Variants in TRIO observed in about 807,000 individuals in gnomAD.
TRIO encodes the protein trio Rho guanine nucleotide exchange factor.
TRIO carries 58 observed loss-of-function variants against 351.9 expected under a neutral mutation model. That is an observed-to-expected ratio of 0.16 (90% confidence interval 0.13 to 0.21). The LOEUF is 0.21. Ranked by LOEUF, TRIO falls within the 10% of genes least tolerant of loss-of-function variation. TRIO has a pLI of 1.00. For missense variants in TRIO, 3,201 were observed against 4,027.8 expected (o/e 0.79, Z 5.56); for synonymous variants, 1,758 against 1,595.7 (o/e 1.10, Z -2.42).
At chr5:14,201,956 C>G (rs531180949) in intron 1 of TRIO, among the ~76,000 whole-genome samples, 2 of 110,638 alleles carry the variant, frequency 1.8e-5, no homozygotes, top group East Asian at 2.6e-4. Flanking sequence ...CATCACACAC[C>G]GGGGCCTGTT....
intron 28 of TRIO, among the ~76,000 whole-genome samples, chr5:14,396,029 G>GAGCAA (rs1289637799): frequency 8.0e-6 from 1 of 124,670 alleles, no homozygotes; most frequent in Non-Finnish European, 1.6e-5. Flanking sequence ...CTGGGCGACA[G>GAGCAA]AGCAAGACTC....
intron 37 of TRIO, chr5:14,466,109 A>C (rs1009173296): frequency 5.9e-6 from 1 of 168,956 alleles, no homozygotes; most frequent in Non-Finnish European, 1.3e-5. Context: ...TCACATTGCT[A>C]GCATAGACTA....
chr5:14,258,846 G>A (rs1170972403), intron 1 of TRIO, among the ~76,000 whole-genome samples: 1 of 152,198 alleles, frequency 6.6e-6, no homozygotes, highest in Non-Finnish European at 1.5e-5. Context: ...GGAACTTTTT[G>A]TGATCACTGG....
chr5:14,324,091 C>T (rs950444760), intron 9 of TRIO, among the ~76,000 whole-genome samples: 7 of 151,978 alleles, frequency 4.6e-5, no homozygotes, highest in African/African-American at 1.2e-4. Context: ...GTTTCCCCAG[C>T]GATTTAAATA....
intron 34 of TRIO, among the ~76,000 whole-genome samples, chr5:14,453,632 G>C (rs959673351): frequency 6.6e-6 from 1 of 152,178 alleles, no homozygotes; most frequent in Non-Finnish European, 1.5e-5. Flanking sequence ...TCACATGCCA[G>C]AATGTTTGCT....
chr5:14,270,057 G>C (rs902156650), intron 1 of TRIO, among the ~76,000 whole-genome samples: 2 of 152,198 alleles, frequency 1.3e-5, no homozygotes, highest in Non-Finnish European at 2.9e-5. Flanking sequence ...CTGGTGAGCT[G>C]GGCTAGATAT....
intron 11 of TRIO, among the ~76,000 whole-genome samples, chr5:14,348,918 C>T (rs1450550058): frequency 1.0e-4 from 15 of 149,458 alleles, no homozygotes; most frequent in Admixed American, 6.7e-4. Flanking sequence ...TGTGTACGCA[C>T]GTGAGCATGT....
At chr5:14,396,406 A>G (rs932771271) in intron 28 of TRIO, among the ~76,000 whole-genome samples, 10 of 129,418 alleles carry the variant, frequency 7.7e-5, no homozygotes, top group Non-Finnish European at 1.6e-5. Context: ...CCAGTAGCTG[A>G]TGGTGTGTTA....
chr5:14,223,701 G>A (rs1792796674), intron 1 of TRIO, among the ~76,000 whole-genome samples: 1 of 152,218 alleles, frequency 6.6e-6, no homozygotes, highest in Non-Finnish European at 1.5e-5. Flanking sequence ...GTGCAGCTGT[G>A]CATTCTGTGG....
At chr5:14,237,276 T>G (rs1428037784) in intron 1 of TRIO, among the ~76,000 whole-genome samples, 1 of 152,266 alleles carries the variant, frequency 6.6e-6, no homozygotes, top group Non-Finnish European at 1.5e-5. Context: ...TTAAGTGTCC[T>G]GTCGGCACTC....
At chr5:14,485,958 AGCCT>A (rs1251345195) in intron 47 of TRIO, among the ~76,000 whole-genome samples, 1 of 152,048 alleles carries the variant, frequency 6.6e-6, no homozygotes, top group African/African-American at 2.4e-5. Context: ...ATTGCACTAC[AGCCT>A]GGGCAACAAG....
chr5:14,216,004 C>G (rs1295196160), intron 1 of TRIO, among the ~76,000 whole-genome samples: 1 of 152,128 alleles, frequency 6.6e-6, no homozygotes, highest in African/African-American at 2.4e-5. Context: ...CTTCTCTGTG[C>G]GTTAGTTTCC....
intron 48 of TRIO, among the ~76,000 whole-genome samples, chr5:14,491,877 G>A (rs1485631992): frequency 6.6e-6 from 1 of 152,226 alleles, no homozygotes; most frequent in East Asian, 1.9e-4. Context: ...CATGGCAGCA[G>A]AGCCTTGGGG....
intron 34 of TRIO, among the ~76,000 whole-genome samples, chr5:14,441,785 A>G (rs1752071588): frequency 6.6e-6 from 1 of 152,168 alleles, no homozygotes; most frequent in Admixed American, 6.5e-5. Flanking sequence ...GTCCTAACAT[A>G]TTTAGACTCT....
chr5:14,403,758 TG>T (rs1485902606), intron 31 of TRIO, among the ~76,000 whole-genome samples: 1 of 126,510 alleles, frequency 7.9e-6, no homozygotes, highest in Non-Finnish European at 1.6e-5. Flanking sequence ...GTGCAGGTGG[TG>T]GTGGTGAGGG....
chr5:14,509,785 G>T lies in TRIO; in HGVS notation c.*1363G>T. 1 of 195,668 alleles carries T rather than the reference G, an allele frequency of 5.1e-6. No individual in the cohort carries two copies. Among genetic ancestry groups the T allele is most frequent in the Non-Finnish European group, 1.1e-5 (1 of 95,234 alleles). 12.1% of individuals were successfully genotyped at this position (195,668 alleles called of 1,614,324 possible). ...TTCAACTCAAGGAGGCTGGGTTTCTGGGCACCCTCGAAGTTTTCTGGATGT... is the reference window on the plus strand; with the variant it reads ...TTCAACTCAAGGAGGCTGGGTTTCTTGGCACCCTCGAAGTTTTCTGGATGT... On this transcript the variant is annotated 3_prime_UTR_variant, in exon 57 of 57. Coordinates refer to ENST00000344204, the MANE Select transcript of TRIO (RefSeq NM_007118.4).
intron 7 of TRIO, among the ~76,000 whole-genome samples, chr5:14,304,072 G>T (rs1030181855): frequency 2.6e-5 from 4 of 152,228 alleles, no homozygotes; most frequent in Non-Finnish European, 4.4e-5. Context: ...TAAGGGGCAC[G>T]TGGAGGAGTC....
chr5:14,248,731 T>C (rs894320088), intron 1 of TRIO, among the ~76,000 whole-genome samples: 2 of 152,232 alleles, frequency 1.3e-5, no homozygotes, highest in African/African-American at 4.8e-5. Flanking sequence ...GAGCTGACAT[T>C]GGTGGACACT....
chr5:14,232,797 T>C (rs992305432), intron 1 of TRIO, among the ~76,000 whole-genome samples: 4 of 152,200 alleles, frequency 2.6e-5, no homozygotes, highest in African/African-American at 9.7e-5. Flanking sequence ...ATTGTAAAAA[T>C]ACATGATATT....
Sources: gnomAD v4.1 joint callset for allele counts (sites outside exome capture counted in the v4.1 genomes callset) on GRCh38, gnomAD v4.1.1 for gene constraint, MANE v1.5 for transcripts, NCBI Gene and HGNC (gene_info 2026-07-23, HGNC 2026-07-21) for gene names.